The following MGLL variants were observed in gnomAD, a reference collection of about 807,000 sequenced individuals.
The protein encoded by MGLL is lysophospholipase homolog.
MGLL carries 7 observed loss-of-function variants against 29.1 expected under a neutral mutation model. The ratio of observed to expected loss-of-function variants is 0.24; its 90% CI spans 0.14 to 0.45. The LOEUF (loss-of-function observed/expected upper bound fraction) is 0.45, where lower values mean the gene tolerates loss of function less well. Among genes scored for constraint, MGLL ranks in the 20% least tolerant of loss-of-function variants. MGLL has a pLI of 0.99. For synonymous variants in MGLL, 148 were observed against 168.3 expected, an observed-to-expected ratio of 0.88 and a Z score of 0.93; for missense variants, 356 against 413.6, an observed-to-expected ratio of 0.86 and a Z score of 1.21.
At chr3:127,746,513 G>C (rs1484635809) in intron 3 of MGLL, among the ~76,000 whole-genome samples, 2 of 152,024 alleles carry the variant, frequency 1.3e-5, no homozygotes, top group East Asian at 3.9e-4. Flanking sequence ...AGACACCCTG[G>C]TGTGATCCCT....
intron 3 of MGLL, among the ~76,000 whole-genome samples, chr3:127,772,702 T>G (rs1317104088): frequency 6.6e-6 from 1 of 152,110 alleles, no homozygotes; most frequent in Non-Finnish European, 1.5e-5. Context: ...GTGGTGGGAA[T>G]GTTTGTCTCC....
intron 3 of MGLL, among the ~76,000 whole-genome samples, chr3:127,748,299 C>G (rs545405079): frequency 6.6e-6 from 1 of 151,988 alleles, no homozygotes; most frequent in African/African-American, 2.4e-5. Context: ...CTGAGGGTTA[C>G]GCATCGCAGT....
At chr3:127,717,408 A>G (rs1246334827) in intron 5 of MGLL, among the ~76,000 whole-genome samples, 1 of 152,254 alleles carries the variant, frequency 6.6e-6, no homozygotes, top group Non-Finnish European at 1.5e-5. Flanking sequence ...TGACTCGAGC[A>G]AGACATTTGG....
intron 3 of MGLL, among the ~76,000 whole-genome samples, chr3:127,727,502 A>T (rs2076067224): frequency 6.6e-6 from 1 of 152,110 alleles, no homozygotes; most frequent in Non-Finnish European, 1.5e-5. Context: ...TCTTGGGCCC[A>T]GGAGTTTGAG....
chr3:127,707,201 C>T (rs1356926387), intron 6 of MGLL, among the ~76,000 whole-genome samples: 1 of 152,182 alleles, frequency 6.6e-6, no homozygotes. Flanking sequence ...AGATAAGCAG[C>T]TGAGGTTCCT....
At chr3:127,730,374 T>C (rs1050381702) in intron 3 of MGLL, among the ~76,000 whole-genome samples, 1 of 152,194 alleles carries the variant, frequency 6.6e-6, no homozygotes, top group Non-Finnish European at 1.5e-5. Context: ...GGAAGGCTTC[T>C]ACTTGTTCCT....
At chr3:127,733,391 C>A (rs569961093) in intron 3 of MGLL, among the ~76,000 whole-genome samples, 2 of 152,348 alleles carry the variant, frequency 1.3e-5, no homozygotes, top group East Asian at 3.9e-4. Flanking sequence ...TTCTTTCATT[C>A]CTCTACTTTC....
intron 5 of MGLL, chr3:127,715,338 C>T: frequency 3.5e-6 from 1 of 284,714 alleles, no homozygotes; most frequent in South Asian, 3.4e-5. Context: ...TGATCTTCAG[C>T]TCTTTTTCTA....
chr3:127,814,144 C>T (rs1029755355), intron 2 of MGLL, among the ~76,000 whole-genome samples: 8 of 152,032 alleles, frequency 5.3e-5, no homozygotes, highest in Non-Finnish European at 1.0e-4. Flanking sequence ...AGAGACTTTG[C>T]GGAACATCAA....
At chr3:127,791,078 GC>G (rs2077292084) in intron 2 of MGLL, 1 of 152,232 alleles carries the variant, frequency 6.6e-6, no homozygotes, top group African/African-American at 2.4e-5. Context: ...GGTATGGCCG[GC>G]CCAGCGTCTG....
chr3:127,793,638 T>A (rs563147773), intron 2 of MGLL, among the ~76,000 whole-genome samples: 1 of 152,232 alleles, frequency 6.6e-6, no homozygotes, highest in Non-Finnish European at 1.5e-5. Flanking sequence ...CTCGGCTCAC[T>A]GCAACCTCCG....
chr3:127,821,907 G>C, intron 1 of MGLL, 69 bp from the exon 2 acceptor site: 1 of 1,515,732 alleles, frequency 6.6e-7, no homozygotes, highest in Middle Eastern at 1.8e-4. Context: ...GGAGAGAAAA[G>C]TCTAGTTCAG....
At position 127,691,792 on chromosome 3, in the gene MGLL, C is replaced by A. The variant is rs61230497; in HGVS notation, c.*406G>T. On this transcript the variant is annotated 3_prime_UTR_variant, in exon 8 of 8. Coordinates refer to ENST00000265052, the MANE Select transcript of MGLL (RefSeq NM_007283.7). ...CCAAGCGGAGGCTGGTCAGAGAGGG[C>A]GCTGGGGCGTGAGCGAAGGGTGGGC... 11 of 267,588 alleles carry A rather than the reference C, an allele frequency of 4.1e-5. No homozygotes were observed. The highest frequency in any genetic ancestry group is 1.1e-4 in the South Asian group (3 of 27,098). 16.6% of individuals were successfully genotyped at this position (267,588 alleles called of 1,614,324 possible).
chr3:127,699,233 G>A (rs2075431344), intron 6 of MGLL, among the ~76,000 whole-genome samples: 1 of 152,222 alleles, frequency 6.6e-6, no homozygotes, highest in Non-Finnish European at 1.5e-5. Flanking sequence ...TCTCTCTGTG[G>A]GAAGAAACTT....
chr3:127,693,761 C>G (rs1454346672), intron 7 of MGLL, among the ~76,000 whole-genome samples: 1 of 152,344 alleles, frequency 6.6e-6, no homozygotes, highest in African/African-American at 2.4e-5. Context: ...GGGGGCAGGG[C>G]AGAGCCTTTG....
chr3:127,762,124 G>A (rs921819597), intron 3 of MGLL, among the ~76,000 whole-genome samples: 1 of 152,168 alleles, frequency 6.6e-6, no homozygotes, highest in African/African-American at 2.4e-5. Context: ...CTTCAGAAAG[G>A]GCAGCCTGAC....
At chr3:127,797,356 C>T (rs988846437) in intron 2 of MGLL, among the ~76,000 whole-genome samples, 1 of 152,084 alleles carries the variant, frequency 6.6e-6, no homozygotes, top group Non-Finnish European at 1.5e-5. Context: ...ATAAGAGAAC[C>T]ATGTCTCCTA....
chr3:127,710,552 C>G, intron 6 of MGLL, 24 bp downstream of exon 6: 1 of 1,532,694 alleles, frequency 6.5e-7, no homozygotes, highest in Non-Finnish European at 8.9e-7. Context: ...CAAGCTACCC[C>G]TGGGGTTTCG....
Position 127,705,790 on chromosome 3 carries a change from AAG to A in MGLL, c.600+4784_600+4785del, listed in dbSNP as rs1553754300. ...AAACTCCATCTCAAAAAAAAAAAAA[AAG>A]AAGAAGAAGAAGAAGAAGACAACAT... On this transcript the variant is annotated intron_variant, in intron 6 of 7. Transcript: ENST00000265052. Among the ~76,000 whole-genome samples, 609 of 123,688 alleles carry A rather than the reference AAG, an allele frequency of 4.9e-3. 4 individuals carry two copies. The highest frequency in any genetic ancestry group is 0.019 in the African/African-American group (564 of 29,332). 81.1% of individuals were successfully genotyped at this position (123,688 alleles called of 152,430 possible).
Sources: gnomAD v4.1 joint callset for allele counts (sites outside exome capture counted in the v4.1 genomes callset) on GRCh38, gnomAD v4.1.1 for gene constraint, MANE v1.5 for transcripts, NCBI Gene and HGNC (gene_info 2026-07-23, HGNC 2026-07-21) for gene names.